GPR107: variants seen among roughly 807,000 people sequenced by gnomAD.
The protein encoded by GPR107 is G protein-coupled receptor 107, also known as protein GPR107.
A neutral mutation model predicts 75.5 loss-of-function variants in GPR107; 31 were observed. The observed-to-expected ratio is 0.41, with a 90% confidence interval of 0.31 to 0.55. The LOEUF (loss-of-function observed/expected upper bound fraction) is 0.55, where lower values mean the gene tolerates loss of function less well. Ranked by LOEUF, GPR107 falls within the 20% of genes least tolerant of loss-of-function variation. The pLI is 0.26. For missense variants in GPR107, 572 were observed against 665.7 expected, an observed-to-expected ratio of 0.86 and a Z score of 1.55; for synonymous variants, 267 against 251.3, an observed-to-expected ratio of 1.06 and a Z score of -0.59.
At chr9:130,104,582 A>G in intron 13 of GPR107, 32 bp downstream of exon 13, 2 of 1,599,400 alleles carry the variant, frequency 1.3e-6, no homozygotes, top group Non-Finnish European at 8.6e-7. Context: ...AGGCCACATG[A>G]CAGCTTGGCT....
At position 130,082,474 on chromosome 9, in the gene GPR107, CTT is replaced by C. The variant is rs6151190; in HGVS notation, c.527-1068_527-1067del. Among the ~76,000 whole-genome samples the C allele has an allele frequency of 4.6e-3, 584 of 126,052 alleles. 5 individuals are homozygous for C. The highest frequency in any genetic ancestry group is 0.013 in the African/African-American group (431 of 33,298). 82.7% of individuals were successfully genotyped at this position (126,052 alleles called of 152,430 possible). The stretch of plus-strand genomic sequence containing the variant: ...GTCCAGTCTTTCCCAAAAAGAATAT[CTT>C]TTTTTTTTTTTTTTTTTTTTTTAGA... On this transcript the variant is annotated intron_variant, in intron 5 of 17. Transcript: ENST00000347136.
chr9:130,130,055 A>G (rs1831782668), intron 17 of GPR107: 1 of 152,196 alleles, frequency 6.6e-6, no homozygotes, highest in Non-Finnish European at 1.5e-5. Context: ...AACGCGGCCC[A>G]CGCAGCTGCC....
At chr9:130,110,501 T>C (rs1831269696) in intron 14 of GPR107, 6 of 766,042 alleles carry the variant, frequency 7.8e-6, no homozygotes, top group Non-Finnish European at 2.3e-6. Flanking sequence ...TCAGCAAATA[T>C]CACAAATACT....
At chr9:130,090,394 C>CT (rs940124967) in intron 7 of GPR107, among the ~76,000 whole-genome samples, 3 of 152,118 alleles carry the variant, frequency 2.0e-5, no homozygotes, top group African/African-American at 7.2e-5. Flanking sequence ...GATGAGCCTC[C>CT]TTTTTAAAGA....
At chr9:130,128,567 T>C in intron 16 of GPR107, 73 bp from the exon 17 acceptor site, 1 of 1,257,954 alleles carries the variant, frequency 7.9e-7, no homozygotes, top group Admixed American at 1.8e-5. Flanking sequence ...TATGTCAGTT[T>C]GTTGAATTCC....
chr9:130,089,027 T>TGTG (rs1418404105), intron 7 of GPR107, among the ~76,000 whole-genome samples: 1 of 151,396 alleles, frequency 6.6e-6, no homozygotes, highest in African/African-American at 2.4e-5. Context: ...ATTAGCTGGG[T>TGTG]GTGGTGGTGG....
At chr9:130,099,854 A>T (rs1276228441) in intron 10 of GPR107, among the ~76,000 whole-genome samples, 1 of 129,678 alleles carries the variant, frequency 7.7e-6, no homozygotes, top group African/African-American at 2.9e-5. Context: ...CCACCTGCTG[A>T]CTTGTTTCCA....
chr9:130,066,958 C>T (rs913387033), intron 1 of GPR107, among the ~76,000 whole-genome samples: 1 of 151,812 alleles, frequency 6.6e-6, no homozygotes, highest in East Asian at 1.9e-4. Flanking sequence ...TGCACTCCAG[C>T]CTGGGCGACA....
At chr9:130,079,984 A>G (rs535472695) in intron 5 of GPR107, among the ~76,000 whole-genome samples, 1 of 152,236 alleles carries the variant, frequency 6.6e-6, no homozygotes, top group Admixed American at 6.5e-5. Context: ...CAGTGTTAGA[A>G]TTTTAGTAAT....
intron 1 of GPR107, 121 bp from the exon 2 acceptor site, chr9:130,075,515 G>T: frequency 1.7e-6 from 1 of 580,762 alleles, no homozygotes; most frequent in Non-Finnish European, 3.2e-6. Context: ...CAAAGTGGTG[G>T]GATTACAGGC....
In GPR107 at chr9:130,076,414, T is replaced by C; in HGVS notation, c.258T>C (p.Ile86=). 6.4e-7 allele frequency: 1 copy of C among 1,551,408 alleles called. No individual in the cohort carries two copies. Among genetic ancestry groups the C allele is most frequent in the Non-Finnish European group, 8.9e-7 (1 of 1,122,666 alleles). Residue 86 remains isoleucine (I), a splice_region_variant and synonymous_variant, in exon 3 of 18, where the codon ATT becomes ATC. Coordinates refer to ENST00000347136, the MANE Select transcript of GPR107 (RefSeq NM_020960.5). ...LNEPEDKDVT[I]GFSLDRTKND... ...CTACTGTTTTTACTCCCCATTAGAT[T>C]GGATTTAGCCTAGACCGTACAAAGA...
intron 9 of GPR107, among the ~76,000 whole-genome samples, chr9:130,095,170 T>TA (rs1830833841): frequency 6.6e-6 from 1 of 152,180 alleles, no homozygotes; most frequent in Admixed American, 6.6e-5. Flanking sequence ...CAGTAATAGT[T>TA]ACTCTGCCTT....
In GPR107 at chr9:130,054,844, A is replaced by G. The variant is rs149311795; in HGVS notation, c.141+771A>G. On this transcript the variant is annotated intron_variant, in intron 1 of 17. Transcript: ENST00000347136. ...CTGTAATCCCAACACTGGGAGGCCT[A>G]TGCAGGAGGATTGTTTGAGCCCAGG... is the stretch of plus-strand genomic sequence containing the variant. Among the ~76,000 whole-genome samples, 42 of 152,272 alleles carry G rather than the reference A, an allele frequency of 2.8e-4. No homozygotes were observed. In the Middle Eastern group the frequency reaches 0.01, roughly 37 times the overall value.
In GPR107 at chr9:130,135,717, A is replaced by G. The variant is rs1407188237; in HGVS notation, c.*596A>G. The G allele has an allele frequency of 6.6e-6, 1 of 152,484 alleles. No homozygotes were observed. Among genetic ancestry groups the G allele is most frequent in the Admixed American group, 6.5e-5 (1 of 15,300 alleles). 9.4% of individuals were successfully genotyped at this position (152,484 alleles called of 1,614,324 possible). A position where few individuals can be genotyped will look rare whatever the true frequency, so the allele number is the denominator to read the frequency against. ...GCTTTGCCCCAGACCCTTATTCCAG[A>G]TGCTGAGAGTGACCAGGACAGCAGC... On this transcript the variant is annotated 3_prime_UTR_variant, in exon 18 of 18. Coordinates refer to ENST00000347136, the MANE Select transcript of GPR107 (RefSeq NM_020960.5).
rs1267685092 is a variant in GPR107, at chr9:130,075,768, G to C, written c.255+19G>C. The C allele has an allele frequency of 1.8e-6, 2 of 1,095,558 alleles. No homozygotes were observed. The highest frequency in any genetic ancestry group is 3.2e-5 in the African/African-American group (2 of 63,092). 67.9% of individuals were successfully genotyped at this position (1,095,558 alleles called of 1,614,324 possible). A position where few individuals can be genotyped will look rare whatever the true frequency, so the allele number is the denominator to read the frequency against. Reference sequence around the variant, plus strand: ...TGTGACTGTAAGTACCTTTTAATGAGATCCAGGGGTTTACTCTTTTTTTTT... The same window carrying C: ...TGTGACTGTAAGTACCTTTTAATGACATCCAGGGGTTTACTCTTTTTTTTT... On this transcript the variant is annotated intron_variant, in intron 2 of 17. Coordinates refer to ENST00000347136, the MANE Select transcript of GPR107 (RefSeq NM_020960.5).
rs1307805916 is a variant in GPR107, at chr9:130,103,953, A to G, written c.1132-467A>G. Among the ~76,000 whole-genome samples the G allele has an allele frequency of 3.3e-5, 5 of 152,152 alleles. No individual in the cohort carries two copies. The highest frequency in any genetic ancestry group is 1.2e-4 in the African/African-American group (5 of 41,442). On this transcript the variant is annotated intron_variant, in intron 12 of 17. Transcript: ENST00000347136. This position sits in a 1 kb window ranked among gnomAD's most constrained non-coding sequence, Gnocchi z 4.3. ...TGGGTCTTGTGGTCATAGTCACACC[A>G]TGGCTGGGAGCATCTTGAAGTCTCC...
chr9:130,081,598 G>C (rs147110553), intron 5 of GPR107, among the ~76,000 whole-genome samples: 1,852 of 152,076 alleles, frequency 0.012, 23 homozygotes, highest in Non-Finnish European at 0.021. Context: ...GCTTGGACCA[G>C]GGAGATGGAG....
Position 130,137,160 on chromosome 9 carries a change from C to G in GPR107, c.*2039C>G, listed in dbSNP as rs781917988. 2 of 152,224 alleles carry G rather than the reference C, an allele frequency of 1.3e-5. No homozygotes were observed. 9.4% of individuals were successfully genotyped at this position (152,224 alleles called of 1,614,324 possible). A position where few individuals can be genotyped will look rare whatever the true frequency, so the allele number is the denominator to read the frequency against. On this transcript the variant is annotated 3_prime_UTR_variant, in exon 18 of 18. Coordinates refer to ENST00000347136, the MANE Select transcript of GPR107 (RefSeq NM_020960.5). The stretch of plus-strand genomic sequence containing the variant: ...GAGGCGATAGACTCCTTGGCAAGAA[C>G]GAAAGGTGTGATGAAACCTCCCTGC...
chr9:130,107,357 A>G (rs1162192618), intron 13 of GPR107, 139 bp from the exon 14 acceptor site: 2 of 672,186 alleles, frequency 3.0e-6, no homozygotes, highest in Admixed American at 4.2e-5. Flanking sequence ...TACCCGTTTT[A>G]GGGAGAGTGC....
Sources: allele counts gnomAD v4.1 joint callset (sites outside exome capture counted in the v4.1 genomes callset), GRCh38; gene constraint gnomAD v4.1.1; non-coding constraint Gnocchi (gnomAD v3.1); transcripts MANE v1.5; gene names NCBI Gene and HGNC (gene_info 2026-07-23, HGNC 2026-07-21).